The following TNRC18 variants were observed in gnomAD, a reference collection of about 807,000 sequenced individuals.
The protein encoded by TNRC18 is trinucleotide repeat containing 18, also known as trinucleotide repeat-containing gene 18 protein.
Under a neutral mutation model 226.7 loss-of-function variants are expected in TNRC18, and 69 were observed. That is an observed-to-expected ratio of 0.30 (90% CI 0.25 to 0.37). TNRC18 has a LOEUF of 0.37. TNRC18 is among the 10% of genes least tolerant of loss of function. The pLI is 1.00. For synonymous variants in TNRC18, 2,449 were observed against 1,927.6 expected, an observed-to-expected ratio of 1.27 and a Z score of -7.09; for missense variants, 4,754 against 4,256.6, an observed-to-expected ratio of 1.12 and a Z score of -3.25.
chr7:5,378,089 C>A, intron 5 of TNRC18, 65 bp from the exon 6 acceptor site: 1 of 1,384,394 alleles, frequency 7.2e-7, no homozygotes, highest in East Asian at 2.3e-5. Context: ...CCCATTGGCC[C>A]CACTGCCCTC....
Position 5,387,848 on chromosome 7 carries a change from T to A in TNRC18, c.1976A>T (p.Glu659Val). 6.2e-7 allele frequency: 1 copy of A among 1,601,440 alleles called. No homozygotes were observed. Among genetic ancestry groups the A allele is most frequent in the Non-Finnish European group, 8.5e-7 (1 of 1,177,066 alleles). Residue 659 changes from glutamate (E) to valine (V), a missense_variant, in exon 5 of 30, where the codon GAG (glutamate) becomes GTG (valine). Physicochemically the swap from Glu to Val is moderately radical, Grantham distance 121. Coordinates refer to ENST00000430969, the MANE Select transcript of TNRC18 (RefSeq NM_001080495.3). ...CTCGCGCCCGAAAGCTTTGGCGCTC[T>A]CGGGCCTCTCGGGGTCCCGCTTCAG... ...RQLKRDPERPESAKAFGREGS... is the reference protein window; with the variant it reads ...RQLKRDPERPVSAKAFGREGS...
chr7:5,392,616 A>G (rs1780381618), intron 3 of TNRC18, among the ~76,000 whole-genome samples: 2 of 152,050 alleles, frequency 1.3e-5, no homozygotes, highest in Non-Finnish European at 2.9e-5. Context: ...ACTCCATTTC[A>G]AAAAATAAAT....
chr7:5,362,974 CG>C (rs1300089446), intron 11 of TNRC18, 149 bp from the exon 12 acceptor site: 6 of 776,860 alleles, frequency 7.7e-6, no homozygotes, highest in Admixed American at 3.5e-5. Flanking sequence ...TGTGACATGC[CG>C]GAAGTCCTGA....
At chr7:5,372,151 T>A (rs1454209271) in intron 10 of TNRC18, among the ~76,000 whole-genome samples, 1 of 150,592 alleles carries the variant, frequency 6.6e-6, no homozygotes, top group African/African-American at 2.4e-5. Context: ...CACTACAAGC[T>A]CCACCTCCTG....
intron 24 of TNRC18, among the ~76,000 whole-genome samples, chr7:5,319,431 T>C (rs1038999292): frequency 2.5e-4 from 38 of 152,212 alleles, no homozygotes; most frequent in African/African-American, 8.2e-4. Flanking sequence ...GTTGGACCAT[T>C]TGACTGTCTT....
intron 3 of TNRC18, among the ~76,000 whole-genome samples, chr7:5,392,509 G>C (rs760591482): frequency 6.6e-6 from 1 of 152,196 alleles, no homozygotes; most frequent in Non-Finnish European, 1.5e-5. Context: ...AGCTACTCAG[G>C]AGGCTGAGGC....
chr7:5,360,878 T>TC (rs548107911), intron 14 of TNRC18, among the ~76,000 whole-genome samples: 1 of 151,620 alleles, frequency 6.6e-6, no homozygotes. Context: ...CCTCCGAAGG[T>TC]CCCCCCACGC....
At chr7:5,376,327 T>C (rs2128179766) in intron 8 of TNRC18, 103 bp from the exon 9 acceptor site, 8 of 1,060,744 alleles carry the variant, frequency 7.5e-6, no homozygotes, top group South Asian at 6.9e-5. Flanking sequence ...ACCCACACAG[T>C]GGGGAGCTGG....
chr7:5,370,395 C>G lies in TNRC18; in HGVS notation c.4199G>C (p.Arg1400Thr), dbSNP rs1794029493. ...CTCACCTCCCATCTCTTGGCTCCTC[C>G]TCTCCAGCTCCAGCTCTGCGATCTC... ...LSEIAELELE[R>T]RSQEMGGAER... The change falls in exon 11 of 30, where the codon AGG becomes ACG. Residue 1400 changes from arginine to threonine, a missense_variant. Coordinates refer to ENST00000430969, the MANE Select transcript of TNRC18 (RefSeq NM_001080495.3). 2 of 1,548,304 alleles carry G rather than the reference C, an allele frequency of 1.3e-6. No individual in the cohort carries two copies. The highest frequency in any genetic ancestry group is 8.7e-7 in the Non-Finnish European group (1 of 1,145,372).
At position 5,421,276 on chromosome 7, in the gene TNRC18, C is replaced by CA. The variant is rs987364809; in HGVS notation, c.-31dup. On this transcript the variant is annotated 5_prime_UTR_variant, in exon 2 of 30. Transcript: ENST00000430969. ...CGCGGGAGTGCCGCGATCAGCCCCC[C>CA]ACCCGGCCCGCAGGCCTAGCTCAGT... 2.4e-6 allele frequency: 3 copies of CA among 1,273,374 alleles called. No individual in the cohort carries two copies. In the African/African-American group the frequency reaches 4.7e-5, roughly 20 times the overall value. 78.9% of individuals were successfully genotyped at this position (1,273,374 alleles called of 1,614,324 possible). A position where few individuals can be genotyped will look rare whatever the true frequency, so the allele number is the denominator to read the frequency against.
chr7:5,420,674 A>C (rs892329011), intron 2 of TNRC18: 7 of 482,920 alleles, frequency 1.4e-5, no homozygotes, highest in Non-Finnish European at 8.2e-6. Flanking sequence ...GCCAAGAAAA[A>C]GATTCGAGCT....
chr7:5,363,526 C>T (rs988139758), intron 11 of TNRC18, among the ~76,000 whole-genome samples: 1 of 152,076 alleles, frequency 6.6e-6, no homozygotes, highest in Admixed American at 6.5e-5. Flanking sequence ...ATGGCGAGAA[C>T]CTGGGAGGCG....
chr7:5,361,655 GGGT>G lies in TNRC18; in HGVS notation c.4597_4599del (p.Thr1533del). 6.4e-7 allele frequency: 1 copy of G among 1,560,690 alleles called. No individual in the cohort carries two copies. The highest frequency in any genetic ancestry group is 8.7e-7 in the Non-Finnish European group (1 of 1,153,886). On this transcript the variant is annotated inframe_deletion, in exon 14 of 30. Coordinates refer to ENST00000430969, the MANE Select transcript of TNRC18 (RefSeq NM_001080495.3). ...GGGGGCGACAGGGCGCTCGGGGCGT[GGGT>G]CCGTTTCCGCGGCCTGCCAGGGCCT... is the stretch of plus-strand genomic sequence containing the variant.
At chr7:5,405,701 C>T (rs914079901) in intron 2 of TNRC18, among the ~76,000 whole-genome samples, 1 of 152,072 alleles carries the variant, frequency 6.6e-6, no homozygotes, top group Admixed American at 6.6e-5. Flanking sequence ...CGAGATCATA[C>T]CACTGCACTC....
intron 15 of TNRC18, among the ~76,000 whole-genome samples, chr7:5,359,136 C>G (rs140734956): frequency 5.9e-5 from 9 of 152,298 alleles, no homozygotes; most frequent in African/African-American, 1.4e-4. Flanking sequence ...AAGGGTCATG[C>G]AGCACACAGA....
At chr7:5,389,461 G>GTTTTTTTGTTTTTTTTGTTTTTTT in intron 4 of TNRC18, 125 bp from the exon 5 acceptor site, 1 of 564,674 alleles carries the variant, frequency 1.8e-6, no homozygotes, top group African/African-American at 2.8e-5. Context: ...TTTGGTTTTG[G>GTTTTTTTGTTTTTTTTGTTTTTTT]TTTTTTTTTT....
At chr7:5,343,082 G>A (rs189758478) in intron 18 of TNRC18, among the ~76,000 whole-genome samples, 133 of 152,254 alleles carry the variant, frequency 8.7e-4, no homozygotes, top group African/African-American at 2.8e-3. Context: ...GTCCAGGCGC[G>A]GTGGCTCACA....
intron 19 of TNRC18, among the ~76,000 whole-genome samples, chr7:5,327,027 G>C (rs7785821): frequency 0.25 from 37,238 of 151,954 alleles, 5,313 homozygotes; most frequent in Middle Eastern, 0.39. Context: ...GGGAGGCTGA[G>C]GCAGGAGAAT....
chr7:5,355,906 C>T (rs1354998544), intron 16 of TNRC18, among the ~76,000 whole-genome samples: 1 of 151,926 alleles, frequency 6.6e-6, no homozygotes, highest in Non-Finnish European at 1.5e-5. Context: ...TAGCTCACGC[C>T]CATAATCCCA....
Sources: gnomAD v4.1 joint callset for allele counts (sites outside exome capture counted in the v4.1 genomes callset) on GRCh38, gnomAD v4.1.1 for gene constraint, MANE v1.5 for transcripts, NCBI Gene and HGNC (gene_info 2026-07-23, HGNC 2026-07-21) for gene names.